The following SETDB2 variants were observed in gnomAD, a reference collection of about 807,000 sequenced individuals.
SETDB2 encodes SET domain bifurcated histone lysine methyltransferase 2, also known as histone-lysine N-methyltransferase SETDB2.
Under a neutral mutation model 82.5 loss-of-function variants are expected in SETDB2, and 56 were observed. That is an observed-to-expected ratio of 0.68 (90% CI 0.55 to 0.85). The LOEUF (loss-of-function observed/expected upper bound fraction) is 0.85. SETDB2 is among the 40% of genes least tolerant of loss of function. The pLI is 0.00. For synonymous variants in SETDB2, 272 were observed against 284.9 expected, an observed-to-expected ratio of 0.95 and a Z score of 0.46; for missense variants, 677 against 816.4, an observed-to-expected ratio of 0.83 and a Z score of 2.08.
rs752659538 is a variant in SETDB2, at chr13:49,468,006, TTTC to T, written c.305+52_305+54del. On this transcript the variant is annotated intron_variant, in intron 5 of 13. Coordinates refer to ENST00000611815, the MANE Select transcript of SETDB2 (RefSeq NM_001160308.3). ...TTATTAATGCTTTTGCTCCTACAGA[TTTC>T]TTCTTTATAAATCACTTGACATTAG... 9 of 1,373,740 alleles carry T rather than the reference TTTC, an allele frequency of 6.6e-6. No homozygotes were observed. The Admixed American group carries it at 1.5e-4, about 24-fold the overall frequency. The allele number at this position is 1,373,740 out of a possible 1,614,324, so 85.1% of individuals were successfully genotyped here.
chr13:49,486,400 C>T (rs1017107727), intron 11 of SETDB2, among the ~76,000 whole-genome samples: 43 of 152,192 alleles, frequency 2.8e-4, no homozygotes, highest in African/African-American at 1.0e-3. Flanking sequence ...ATAATCACAA[C>T]AGAGACCACC....
chr13:49,489,916 C>A (rs924400683), intron 12 of SETDB2, among the ~76,000 whole-genome samples: 1 of 49,002 alleles, frequency 2.0e-5, no homozygotes. Context: ...CGCCCCCCCC[C>A]CCTTTTTTTT....
Position 49,491,924 on chromosome 13 carries a change from C to A in SETDB2, c.*75C>A. The stretch of plus-strand genomic sequence containing the variant: ...AAGCCATGCAAAAGAAGGTCTAGGT[C>A]CATCAAGGAAATTCCCCTCCGTTTT... On this transcript the variant is annotated 3_prime_UTR_variant, in exon 14 of 14. Coordinates refer to ENST00000611815, the MANE Select transcript of SETDB2 (RefSeq NM_001160308.3). The A allele has an allele frequency of 9.9e-7, 1 of 1,014,848 alleles. No individual in the cohort carries two copies. Among genetic ancestry groups the A allele is most frequent in the Middle Eastern group, 2.0e-4 (1 of 4,936 alleles). The allele number at this position is 1,014,848 out of a possible 1,614,324, so 62.9% of individuals were successfully genotyped here. A position where few individuals can be genotyped will look rare whatever the true frequency, so the allele number is the denominator to read the frequency against.
intron 4 of SETDB2, among the ~76,000 whole-genome samples, chr13:49,464,336 C>A (rs944643229): frequency 6.6e-6 from 1 of 152,192 alleles, no homozygotes. Flanking sequence ...CCAGAGACAA[C>A]TTCTTCCTGT....
chr13:49,463,162 C>T lies in SETDB2; in HGVS notation c.208+2000C>T, dbSNP rs541612706. On this transcript the variant is annotated intron_variant, in intron 4 of 13. Transcript: ENST00000611815. Reference sequence around the variant, plus strand: ...CTGGGACTACGGGCGCATGCCGCCACACCCGGTGATTTTTTTTTTTTGTAT... The same window carrying T: ...CTGGGACTACGGGCGCATGCCGCCATACCCGGTGATTTTTTTTTTTTGTAT... 2.0e-4 allele frequency among the ~76,000 whole-genome samples: 22 copies of T among 108,270 alleles called. No individual in the cohort carries two copies. The South Asian group carries it at 5.3e-3, about 26-fold the overall frequency. The allele number at this position is 108,270 out of a possible 152,430, so 71.0% of individuals were successfully genotyped here. A position where few individuals can be genotyped will look rare whatever the true frequency, so the allele number is the denominator to read the frequency against.
At chr13:49,483,335 A>G in intron 9 of SETDB2, 129 bp from the exon 10 acceptor site, 1 of 431,382 alleles carries the variant, frequency 2.3e-6, no homozygotes, top group Non-Finnish European at 4.2e-6. Context: ...GAATAAACAT[A>G]GATGTTCTTA....
chr13:49,449,236 A>G (rs529185695), intron 1 of SETDB2, among the ~76,000 whole-genome samples: 3 of 151,994 alleles, frequency 2.0e-5, no homozygotes, highest in East Asian at 3.9e-4. Context: ...TTCTCTTTGT[A>G]TCTTTTATAT....
chr13:49,481,127 A>C lies in SETDB2; in HGVS notation c.1156+11A>C. The C allele has an allele frequency of 6.2e-7, 1 of 1,606,626 alleles. No individual in the cohort carries two copies. The highest frequency in any genetic ancestry group is 8.5e-7 in the Non-Finnish European group (1 of 1,176,318). On this transcript the variant is annotated intron_variant, in intron 8 of 13. Transcript: ENST00000611815. ...TTTGCATTTATTCAGGTAAAGCAAA[A>C]GTTTATTTTCAAATTATTCTAGAGT...
At chr13:49,464,189 G>T in intron 4 of SETDB2, 1 of 684,008 alleles carries the variant, frequency 1.5e-6, no homozygotes. Flanking sequence ...AACAGTGTCT[G>T]TCTGAGTATA....
intron 1 of SETDB2, among the ~76,000 whole-genome samples, chr13:49,447,428 T>C (rs897164883): frequency 6.6e-6 from 1 of 152,128 alleles, no homozygotes; most frequent in Non-Finnish European, 1.5e-5. Flanking sequence ...ATAAAAACAG[T>C]GATAGCAACT....
At chr13:49,457,470 G>C (rs112271100) in intron 2 of SETDB2, among the ~76,000 whole-genome samples, 1 of 125,368 alleles carries the variant, frequency 8.0e-6, no homozygotes, top group Admixed American at 9.7e-5. Context: ...GTCTTGCTCT[G>C]TTACCCAGGC....
At position 49,494,396 on chromosome 13, in the gene SETDB2, A is replaced by T. The variant is rs559619575; in HGVS notation, c.*2547A>T. 3.9e-5 allele frequency: 6 copies of T among 152,106 alleles called. No individual in the cohort carries two copies. The highest frequency in any genetic ancestry group is 1.2e-4 in the African/African-American group (5 of 41,464). 9.4% of individuals were successfully genotyped at this position (152,106 alleles called of 1,614,324 possible). On this transcript the variant is annotated 3_prime_UTR_variant, in exon 14 of 14. Coordinates refer to ENST00000611815, the MANE Select transcript of SETDB2 (RefSeq NM_001160308.3). ...GGGTTTGTTTCTTTGTTTCCCCTGT[A>T]TGTTTGTTTTGGTCGTTCACATTAT...
At chr13:49,489,246 G>T in intron 12 of SETDB2, 1 of 173,522 alleles carries the variant, frequency 5.8e-6, no homozygotes, top group East Asian at 1.5e-4. Flanking sequence ...TGAGATTACA[G>T]GCGTTAATGA....
In SETDB2 at chr13:49,476,614, G is replaced by C. The variant is rs1250277941; in HGVS notation, c.444G>C (p.Lys148Asn). 1 of 1,614,166 alleles carries C rather than the reference G, an allele frequency of 6.2e-7. No individual in the cohort carries two copies. The highest frequency in any genetic ancestry group is 8.5e-7 in the Non-Finnish European group (1 of 1,180,030). The change falls in exon 6 of 14, where the codon AAG becomes AAC. Residue 148 changes from lysine to asparagine, a missense_variant. Transcript: ENST00000611815. ...TGATGAAAATGCCACTGAACTTGAA[G>C]GGAGAAAACCCTCTGCAGCTGCCAA... is the stretch of plus-strand genomic sequence containing the variant. ...ACLMKMPLNL[K>N]GENPLQLPIK...
chr13:49,493,878 G>A lies in SETDB2; in HGVS notation c.*2029G>A, dbSNP rs1251269522. 1 of 152,012 alleles carries A rather than the reference G, an allele frequency of 6.6e-6. No homozygotes were observed. The highest frequency in any genetic ancestry group is 1.5e-5 in the Non-Finnish European group (1 of 68,018). The allele number at this position is 152,012 out of a possible 1,614,324, so 9.4% of individuals were successfully genotyped here. The stretch of plus-strand genomic sequence containing the variant: ...TATATAATCCATTTTTATCTCTCTT[G>A]AAGCTTATAGGTTTATCTTTGTCTC... On this transcript the variant is annotated 3_prime_UTR_variant, in exon 14 of 14. Coordinates refer to ENST00000611815, the MANE Select transcript of SETDB2 (RefSeq NM_001160308.3).
chr13:49,445,149 A>G (rs944758300), intron 1 of SETDB2, among the ~76,000 whole-genome samples: 2 of 152,138 alleles, frequency 1.3e-5, no homozygotes, highest in African/African-American at 4.8e-5. Flanking sequence ...CGTGTCTGCC[A>G]CTTACGGTAT....
Position 49,489,927 on chromosome 13 carries a change from T to C in SETDB2, c.1918-895T>C, listed in dbSNP as rs201685717. On this transcript the variant is annotated intron_variant, in intron 12 of 13. Transcript: ENST00000611815. ...CTCCCGCCCCCCCCCCCTTTTTTTT[T>C]TACATAAAACATAGCATATTATATT... Among the ~76,000 whole-genome samples the C allele has an allele frequency of 2.1e-3, 166 of 78,560 alleles. 4 individuals carry two copies. Among genetic ancestry groups the C allele is most frequent in the African/African-American group, 4.4e-3 (103 of 23,634 alleles). The allele number at this position is 78,560 out of a possible 152,430, so 51.5% of individuals were successfully genotyped here.
At chr13:49,449,761 C>CT (rs1957754443) in intron 1 of SETDB2, among the ~76,000 whole-genome samples, 2 of 152,252 alleles carry the variant, frequency 1.3e-5, no homozygotes, top group South Asian at 4.1e-4. Context: ...CTCATGATAT[C>CT]TTTAAGAATT....
chr13:49,470,469 T>G (rs1051682217), intron 5 of SETDB2, among the ~76,000 whole-genome samples: 1 of 152,240 alleles, frequency 6.6e-6, no homozygotes, highest in African/African-American at 2.4e-5. Flanking sequence ...ACTTAAACCC[T>G]CTTAGCAGCC....
Sources: allele counts gnomAD v4.1 joint callset (sites outside exome capture counted in the v4.1 genomes callset), GRCh38; gene constraint gnomAD v4.1.1; transcripts MANE v1.5; gene names NCBI Gene and HGNC (gene_info 2026-07-23, HGNC 2026-07-21).